The following ZNF678 variants were observed in gnomAD, a reference collection of about 807,000 sequenced individuals.
ZNF678 encodes hypothetical protein MGC42493.
A neutral mutation model predicts 3.0 loss-of-function variants in ZNF678; 5 were observed. The ratio of observed to expected loss-of-function variants is 1.69; its 90% CI spans 0.88 to 3.56. The LOEUF is 3.56. Ranked by LOEUF, ZNF678 falls within the 30% of genes most tolerant of loss-of-function variation. ZNF678 has a pLI of 0.00. For missense variants in ZNF678, 593 were observed against 605.0 expected, an observed-to-expected ratio of 0.98 and a Z score of 0.21; for synonymous variants, 218 against 199.6, an observed-to-expected ratio of 1.09 and a Z score of -0.78.
At chr1:227,644,683 TGG>T (rs2102794926) in intron 1 of ZNF678, among the ~76,000 whole-genome samples, 1 of 152,272 alleles carries the variant, frequency 6.6e-6, no homozygotes, top group Non-Finnish European at 1.5e-5. Flanking sequence ...TTACTTAAAT[TGG>T]GGCTCAGAAT....
chr1:227,643,989 G>T (rs1245083603), intron 1 of ZNF678, among the ~76,000 whole-genome samples: 1 of 150,436 alleles, frequency 6.6e-6, no homozygotes, highest in African/African-American at 2.4e-5. Flanking sequence ...TCAGCCTCCC[G>T]AGTGGCTGGG....
At chr1:227,650,872 A>G in intron 2 of ZNF678, 84 bp from the exon 3 acceptor site, 1 of 1,006,590 alleles carries the variant, frequency 9.9e-7, no homozygotes, top group Non-Finnish European at 1.5e-6. Flanking sequence ...AGATAATGTC[A>G]TCAACAAACA....
At chr1:227,666,222 C>T (rs1261965473), downstream of ZNF678, among the ~76,000 whole-genome samples, 2 of 152,138 alleles carry the variant, frequency 1.3e-5, no homozygotes, top group African/African-American at 2.4e-5. Context: ...GTATACTCAT[C>T]TTGGCATAAT....
chr1:227,614,963 A>G (rs77829814), intron 1 of ZNF678, among the ~76,000 whole-genome samples: 11,779 of 152,310 alleles, frequency 0.077, 582 homozygotes, highest in Middle Eastern at 0.18. Context: ...TTAATTGAAC[A>G]AAGACTGATT....
rs149076257 is a variant in ZNF678, at chr1:227,676,221, A to G, written c.227-958A>G. 1.2e-3 allele frequency among the ~76,000 whole-genome samples: 181 copies of G among 152,350 alleles called. 2 individuals carry two copies. In the South Asian group the frequency reaches 0.027, roughly 23 times the overall value. On this transcript the variant is annotated intron_variant, in intron 5 of 5. Transcript: ENST00000608949. ...AAATACTAAGGCAACAAACCAATCT[A>G]AAACAAGCCTTTGATTGATAGCATC...
At chr1:227,568,933 C>T (rs559390986) in intron 1 of ZNF678, among the ~76,000 whole-genome samples, 2 of 152,304 alleles carry the variant, frequency 1.3e-5, no homozygotes, top group South Asian at 4.1e-4. Context: ...GAGGCAGATG[C>T]CCTTTCTTAG....
At position 227,651,092 on chromosome 1, in the gene ZNF678, T is replaced by C. The variant is rs1396560588; in HGVS notation, c.85+16T>C. 3.7e-6 allele frequency: 6 copies of C among 1,611,518 alleles called. No homozygotes were observed. In the Admixed American group the frequency reaches 1.0e-4, roughly 27 times the overall value. The stretch of plus-strand genomic sequence containing the variant: ...GTTTATACAGGTAAAGATTTTATCC[T>C]ATTGGGTCTCCAGGCTGATGAGATC... On this transcript the variant is annotated intron_variant, in intron 3 of 3. Transcript: ENST00000343776.
rs758937709 is a variant in ZNF678, at chr1:227,646,607, C to T, written c.-100C>T. 5.1e-6 allele frequency: 7 copies of T among 1,372,342 alleles called. No individual in the cohort carries two copies. Among genetic ancestry groups the T allele is most frequent in the Non-Finnish European group, 6.8e-6 (7 of 1,024,764 alleles). 85.0% of individuals were successfully genotyped at this position (1,372,342 alleles called of 1,614,324 possible). A position where few individuals can be genotyped will look rare whatever the true frequency, so the allele number is the denominator to read the frequency against. On this transcript the variant is annotated 5_prime_UTR_variant, in exon 2 of 4. Coordinates refer to ENST00000343776, the MANE Select transcript of ZNF678 (RefSeq NM_001367909.1). ...TCCAGAGGAGTGGGCATGCCTGGAC[C>T]CTGCCCAGCGAAATTTGTATAGGGA...
In ZNF678 at chr1:227,571,994, A is replaced by T. The variant is rs566155428; in HGVS notation, c.-164+8270A>T. 1.1e-4 allele frequency among the ~76,000 whole-genome samples: 17 copies of T among 152,352 alleles called. No homozygotes were observed. In the South Asian group the frequency reaches 3.5e-3, roughly 32 times the overall value. On this transcript the variant is annotated intron_variant, in intron 1 of 3. Transcript: ENST00000343776. Reference sequence around the variant, plus strand: ...GAGGCAGAGCTTGCAGTGAGCCAAGATCGCACCACTGCACTCCAGCGTGGG... The same window carrying T: ...GAGGCAGAGCTTGCAGTGAGCCAAGTTCGCACCACTGCACTCCAGCGTGGG...
chr1:227,625,596 G>A (rs1658391651), intron 1 of ZNF678, among the ~76,000 whole-genome samples: 3 of 152,132 alleles, frequency 2.0e-5, no homozygotes, highest in Non-Finnish European at 2.9e-5. Flanking sequence ...AAGTGCAGGG[G>A]GATGTACATC....
chr1:227,619,010 G>A (rs189589941), intron 1 of ZNF678, among the ~76,000 whole-genome samples: 1 of 152,086 alleles, frequency 6.6e-6, no homozygotes, highest in Non-Finnish European at 1.5e-5. Context: ...AGTGAGGGGG[G>A]ACCTGCCAAA....
At position 227,654,353 on chromosome 1, in the gene ZNF678, A is replaced by G. The variant is rs770104033; in HGVS notation, c.103A>G (p.Ile35Val). The G allele has an allele frequency of 6.4e-6, 10 of 1,561,682 alleles. No homozygotes were observed. In the South Asian group the frequency reaches 1.1e-4, roughly 17 times the overall value. Residue 35 changes from isoleucine to valine, a missense_variant, in exon 4 of 4, where the codon ATT (isoleucine) becomes GTT (valine). Transcript: ENST00000343776. ...LVYTAILSYS[I>V]QDLLPEQDMK... ...TCTTTCAGCTATTTTATCTTATTCCATTCAAGACCTTTTGCCAGAGCAGGA... is the reference window on the plus strand; with the variant it reads ...TCTTTCAGCTATTTTATCTTATTCCGTTCAAGACCTTTTGCCAGAGCAGGA...
In ZNF678 at chr1:227,624,660, T is replaced by C. The variant is rs147974572; in HGVS notation, c.-163-21884T>C. Among the ~76,000 whole-genome samples, 238 of 152,338 alleles carry C rather than the reference T, an allele frequency of 1.6e-3. 1 individual carries two copies. Among genetic ancestry groups the C allele is most frequent in the Non-Finnish European group, 2.3e-3 (158 of 68,028 alleles). On this transcript the variant is annotated intron_variant, in intron 1 of 3. Transcript: ENST00000343776. ...ACCTTGGGCCATGCAGTGAGTGTTATAGCTCTATTAGAAGCCATGGGTCAC... is the reference window on the plus strand; with the variant it reads ...ACCTTGGGCCATGCAGTGAGTGTTACAGCTCTATTAGAAGCCATGGGTCAC...
intron 1 of ZNF678, among the ~76,000 whole-genome samples, chr1:227,564,049 G>T (rs1157310708): frequency 6.6e-6 from 1 of 152,268 alleles, no homozygotes; most frequent in Non-Finnish European, 1.5e-5. Flanking sequence ...TAGCTGTGCA[G>T]TCCATCCTTT....
In ZNF678 at chr1:227,659,248, C is replaced by T. The variant is rs559924791; in HGVS notation, c.*3420C>T. 6.6e-6 allele frequency: 1 copy of T among 152,166 alleles called. No individual in the cohort carries two copies. The highest frequency in any genetic ancestry group is 2.4e-5 in the African/African-American group (1 of 41,528). The allele number at this position is 152,166 out of a possible 1,614,324, so 9.4% of individuals were successfully genotyped here. ...CTTGGGAAGTTTCTTACTCATATCA[C>T]AATATGTTTTATTTAAATGGATGCA... On this transcript the variant is annotated 3_prime_UTR_variant, in exon 4 of 4. Coordinates refer to ENST00000343776, the MANE Select transcript of ZNF678 (RefSeq NM_001367909.1).
intron 1 of ZNF678, among the ~76,000 whole-genome samples, chr1:227,613,766 C>T (rs986719007): frequency 1.3e-5 from 2 of 152,192 alleles, no homozygotes; most frequent in African/African-American, 4.8e-5. Flanking sequence ...AAACTCTGTA[C>T]TGGGAGCCTT....
intron 1 of ZNF678, among the ~76,000 whole-genome samples, chr1:227,568,835 C>T (rs961666186): frequency 1.3e-5 from 2 of 152,146 alleles, no homozygotes; most frequent in Admixed American, 6.5e-5. Flanking sequence ...TATTGAGCAA[C>T]CAGTGGTGTT....
chr1:227,634,369 G>A (rs1024388626), intron 1 of ZNF678, among the ~76,000 whole-genome samples: 1 of 152,182 alleles, frequency 6.6e-6, no homozygotes. Flanking sequence ...GTTTTGTCTT[G>A]CATGTGAGGC....
At chr1:227,609,269 AT>A (rs1426701499) in intron 1 of ZNF678, among the ~76,000 whole-genome samples, 1 of 152,232 alleles carries the variant, frequency 6.6e-6, no homozygotes, top group Non-Finnish European at 1.5e-5. Flanking sequence ...TATAAGCCAT[AT>A]TTGGAAAAGA....
Sources: gnomAD v4.1 joint callset for allele counts (sites outside exome capture counted in the v4.1 genomes callset) on GRCh38, gnomAD v4.1.1 for gene constraint, MANE v1.5 for transcripts, NCBI Gene and HGNC (gene_info 2026-07-23, HGNC 2026-07-21) for gene names.